Variants in DPP6 observed in about 807,000 individuals in gnomAD.
The protein encoded by DPP6 is A-type potassium channel modulatory protein DPP6.
DPP6 carries 69 observed loss-of-function variants against 122.6 expected under a neutral mutation model. That is an observed-to-expected ratio of 0.56 (90% CI 0.46 to 0.69). The LOEUF (loss-of-function observed/expected upper bound fraction) is 0.69. Ranked by LOEUF, DPP6 falls within the 30% of genes least tolerant of loss-of-function variation. DPP6 has a pLI of 0.00. For synonymous variants in DPP6, 418 were observed against 433.1 expected, an observed-to-expected ratio of 0.97 and a Z score of 0.43; for missense variants, 928 against 1,116.9, an observed-to-expected ratio of 0.83 and a Z score of 2.41.
chr7:154,519,466 T>C lies in DPP6; in HGVS notation c.458-21066T>C, dbSNP rs73729325. Among the ~76,000 whole-genome samples the C allele has an allele frequency of 8.9e-3, 1,354 of 152,316 alleles. 24 individuals are homozygous for C. The highest frequency in any genetic ancestry group is 0.031 in the African/African-American group (1,298 of 41,564). On this transcript the variant is annotated intron_variant, in intron 3 of 25. Coordinates refer to ENST00000377770, the MANE Select transcript of DPP6 (RefSeq NM_130797.4). Reference sequence around the variant, plus strand: ...GCCAGATCTTCTCAGAAAGAAACAGTGCACCACAGCCACTGTGCCATCAGG... The same window carrying C: ...GCCAGATCTTCTCAGAAAGAAACAGCGCACCACAGCCACTGTGCCATCAGG...
intron 1 of DPP6, among the ~76,000 whole-genome samples, chr7:153,967,628 T>C (rs2129031840): frequency 6.6e-6 from 1 of 152,194 alleles, no homozygotes; most frequent in South Asian, 2.1e-4. Context: ...GTGTCCAACC[T>C]AACATCAGTG....
chr7:154,396,679 G>A lies in DPP6; in HGVS notation c.244-49535G>A, dbSNP rs184241006. ...TAGAGCACACACAAAGTGTATTCTCGGCCAGGCACAGTGGCTCACTTTGGG... is the reference window on the plus strand; with the variant it reads ...TAGAGCACACACAAAGTGTATTCTCAGCCAGGCACAGTGGCTCACTTTGGG... On this transcript the variant is annotated intron_variant, in intron 1 of 25. Coordinates refer to ENST00000377770, the MANE Select transcript of DPP6 (RefSeq NM_130797.4). Among the ~76,000 whole-genome samples, 122 of 152,266 alleles carry A rather than the reference G, an allele frequency of 8.0e-4. 1 individual carries two copies. Among genetic ancestry groups the A allele is most frequent in the African/African-American group, 2.6e-3 (106 of 41,564 alleles).
chr7:154,575,455 T>TGTGTGGTGTGTATGTATGTGTG (rs1831563060), intron 5 of DPP6, among the ~76,000 whole-genome samples: 1 of 115,486 alleles, frequency 8.7e-6, no homozygotes, highest in Non-Finnish European at 1.8e-5. Flanking sequence ...TGTGTATGTG[T>TGTGTGGTGTGTATGTATGTGTG]GTGNGCGGGT....
At chr7:154,293,990 G>A (rs1056193648) in intron 1 of DPP6, among the ~76,000 whole-genome samples, 1 of 152,150 alleles carries the variant, frequency 6.6e-6, no homozygotes, top group African/African-American at 2.4e-5. Context: ...CAGTTATGGA[G>A]TCCCTACTAG....
chr7:153,780,117 A>C, the DPP6 span, among the ~76,000 whole-genome samples: 1 of 152,068 alleles, frequency 6.6e-6, no homozygotes, highest in African/African-American at 2.4e-5. Flanking sequence ...AATAGCAAGC[A>C]AAAGAAGGTG....
chr7:154,338,979 G>A (rs1263263741), intron 1 of DPP6, among the ~76,000 whole-genome samples: 2 of 152,144 alleles, frequency 1.3e-5, no homozygotes, highest in Non-Finnish European at 2.9e-5. Context: ...CTGTCTCCCC[G>A]AGGTTATTCA....
intron 1 of DPP6, among the ~76,000 whole-genome samples, chr7:154,255,801 A>G (rs1278493258): frequency 6.6e-6 from 1 of 152,234 alleles, no homozygotes; most frequent in Non-Finnish European, 1.5e-5. Context: ...TACATAGTAG[A>G]CACTTAAAAT....
intron 1 of DPP6, among the ~76,000 whole-genome samples, chr7:154,136,981 A>G (rs1795587880): frequency 6.6e-6 from 1 of 152,178 alleles, no homozygotes; most frequent in Admixed American, 6.5e-5. Context: ...TAGGGTTGGG[A>G]GAACCACCCT....
In DPP6 at chr7:154,535,788, A is replaced by G. The variant is rs2130180815; in HGVS notation, c.458-4744A>G. On this transcript the variant is annotated intron_variant, in intron 3 of 25. Coordinates refer to ENST00000377770, the MANE Select transcript of DPP6 (RefSeq NM_130797.4). ...GAGAAGATGTTCATTATTACTATGT[A>G]TCATCAAAATGCAAATTAAAACCTC... is the stretch of plus-strand genomic sequence containing the variant. Among the ~76,000 whole-genome samples, 2 of 152,286 alleles carry G rather than the reference A, an allele frequency of 1.3e-5. 1 individual carries two copies. Among genetic ancestry groups the G allele is most frequent in the South Asian group, 4.1e-4 (2 of 4,830 alleles).
chr7:154,004,333 A>T (rs915574532), intron 1 of DPP6, among the ~76,000 whole-genome samples: 7 of 152,216 alleles, frequency 4.6e-5, no homozygotes, highest in Non-Finnish European at 2.9e-5. Context: ...GAGGAGGGTG[A>T]CATTTACTGA....
chr7:154,669,810 T>C (rs1838440591), intron 7 of DPP6, among the ~76,000 whole-genome samples: 1 of 151,844 alleles, frequency 6.6e-6, no homozygotes, highest in Admixed American at 6.6e-5. Flanking sequence ...CATCTAAAGA[T>C]GCTCTGGGAA....
chr7:154,629,198 T>C (rs960759488), intron 5 of DPP6, among the ~76,000 whole-genome samples: 3 of 152,192 alleles, frequency 2.0e-5, no homozygotes, highest in Non-Finnish European at 2.9e-5. Context: ...GGAACTTCTT[T>C]TTTATCTGTT....
intron 1 of DPP6, chr7:154,057,441 C>T (rs1190743579): frequency 5.9e-6 from 1 of 170,038 alleles, no homozygotes; most frequent in African/African-American, 2.5e-5. Flanking sequence ...ACCTGGAGGA[C>T]TGTGGGTATG....
At chr7:154,738,558 T>G (rs568599082) in intron 8 of DPP6, among the ~76,000 whole-genome samples, 1 of 152,330 alleles carries the variant, frequency 6.6e-6, no homozygotes, top group South Asian at 2.1e-4. Context: ...CTTCCGACCT[T>G]TCTTAGATGA....
At position 154,570,338 on chromosome 7, in the gene DPP6, T is replaced by C. The variant is rs138124702; in HGVS notation, c.627+3422T>C. Among the ~76,000 whole-genome samples, 214 of 152,122 alleles carry C rather than the reference T, an allele frequency of 1.4e-3. 8 individuals are homozygous for C. The highest frequency in any genetic ancestry group is 4.8e-3 in the African/African-American group (199 of 41,396). ...TATTCAGACTAATTGCAATGTTATA[T>C]CATTTCCCAGTTGTTTGGCATAGAC... On this transcript the variant is annotated intron_variant, in intron 5 of 25. Transcript: ENST00000377770.
chr7:154,847,979 G>A (rs1410259114), intron 16 of DPP6, among the ~76,000 whole-genome samples: 1 of 152,194 alleles, frequency 6.6e-6, no homozygotes, highest in Non-Finnish European at 1.5e-5. Context: ...AGATTCATCT[G>A]TGTTGTCACA....
At position 154,606,694 on chromosome 7, in the gene DPP6, A is replaced by G. The variant is rs1182221371; in HGVS notation, c.628-31127A>G. 2.5e-5 allele frequency among the ~76,000 whole-genome samples: 3 copies of G among 121,470 alleles called. 1 individual carries two copies. The highest frequency in any genetic ancestry group is 5.6e-5 in the Non-Finnish European group (3 of 53,898). The allele number at this position is 121,470 out of a possible 152,430, so 79.7% of individuals were successfully genotyped here. A position where few individuals can be genotyped will look rare whatever the true frequency, so the allele number is the denominator to read the frequency against. ...ATTTTAGAATAATTTTTGGACACTTATGACAATTTGAGAAAACTCACAGAT... is the reference window on the plus strand; with the variant it reads ...ATTTTAGAATAATTTTTGGACACTTGTGACAATTTGAGAAAACTCACAGAT... On this transcript the variant is annotated intron_variant, in intron 5 of 25. Transcript: ENST00000377770.
At chr7:154,173,674 T>C (rs1325190386) in intron 1 of DPP6, among the ~76,000 whole-genome samples, 1 of 152,172 alleles carries the variant, frequency 6.6e-6, no homozygotes, top group Non-Finnish European at 1.5e-5. Context: ...GAGGGACTCC[T>C]CTGGACGTCA....
rs1162220684 is a variant in DPP6 at position 154,607,561 on chromosome 7, CAAAAAAAA to C, written c.628-30240_628-30233del. On this transcript the variant is annotated intron_variant, in intron 5 of 25. Coordinates refer to ENST00000377770, the MANE Select transcript of DPP6 (RefSeq NM_130797.4). ...TGGGCGACAGAGCAAGACTCTGTCT[CAAAAAAAA>C]AAAAAAAAAAAAAAAAAAAGGAAAG... 2.8e-3 allele frequency among the ~76,000 whole-genome samples: 63 copies of C among 22,378 alleles called. 3 individuals carry two copies. The highest frequency in any genetic ancestry group is 0.038 in the Middle Eastern group (1 of 26). The allele number at this position is 22,378 out of a possible 152,430, so 14.7% of individuals were successfully genotyped here.
Sources: gnomAD v4.1 joint callset for allele counts (sites outside exome capture counted in the v4.1 genomes callset) on GRCh38, gnomAD v4.1.1 for gene constraint, MANE v1.5 for transcripts, NCBI Gene and HGNC (gene_info 2026-07-23, HGNC 2026-07-21) for gene names.